SLC39A3: variants seen among roughly 807,000 people sequenced by gnomAD.
SLC39A3 encodes solute carrier family 39 member 3, also known as zinc transporter ZIP3.
Under a neutral mutation model 5.1 loss-of-function variants are expected in SLC39A3, and 3 were observed. The observed-to-expected ratio is 0.59, with a 90% CI of 0.27 to 1.54. The LOEUF is 1.54. Among genes scored for constraint, SLC39A3 ranks in the 40% most tolerant of loss-of-function variants. The pLI is 0.12. For missense variants in SLC39A3, 412 were observed against 436.4 expected (o/e 0.94, Z 0.50); for synonymous variants, 250 against 218.8 (o/e 1.14, Z -1.26).
chr19:2,737,100 C>T lies in SLC39A3; in HGVS notation c.158G>A (p.Gly53Glu). The T allele has an allele frequency of 6.2e-7, 1 of 1,614,168 alleles. No individual in the cohort carries two copies. The highest frequency in any genetic ancestry group is 1.3e-5 in the African/African-American group (1 of 75,036). Reference protein sequence around the residue: ...ILSLCNTFGGGVFLATCFNAL... With the variant: ...ILSLCNTFGGEVFLATCFNAL... ...GTTGAAGCACGTGGCCAGAAACACC[C>T]CTCCTCCAAAGGTGTTGCAGAGAGA... is the stretch of plus-strand genomic sequence containing the variant. Residue 53 changes from glycine (G) to glutamate (E), a missense_variant, in exon 2 of 3, where the codon GGG (glycine) becomes GAG (glutamate). Coordinates refer to ENST00000269740, the MANE Select transcript of SLC39A3 (RefSeq NM_144564.5).
In SLC39A3 at chr19:2,734,573, C is replaced by A; in HGVS notation, c.211-1088G>T. On this transcript the variant is annotated intron_variant, in intron 2 of 2. Transcript: ENST00000269740. The surrounding 1 kb of genome is among the most constrained non-coding windows in gnomAD (Gnocchi z 4.6). ...TCACAACTCGGGTAGGGGGAAGGTG[C>A]TGACATTCGGGGCTGGATTGTTCTC... The A allele has an allele frequency of 4.8e-6, 1 of 207,150 alleles. No homozygotes were observed. Among genetic ancestry groups the A allele is most frequent in the Non-Finnish European group, 8.5e-6 (1 of 118,250 alleles). The allele number at this position is 207,150 out of a possible 1,614,324, so 12.8% of individuals were successfully genotyped here. A position where few individuals can be genotyped will look rare whatever the true frequency, so the allele number is the denominator to read the frequency against.
intron 2 of SLC39A3, chr19:2,736,281 C>A: frequency 1.3e-6 from 1 of 787,870 alleles, no homozygotes; most frequent in Non-Finnish European, 1.5e-6. Context: ...CTTGAACTTG[C>A]TTCTAACCAG....
At position 2,733,772 on chromosome 19, in the gene SLC39A3, T is replaced by C. The variant is rs1568299588; in HGVS notation, c.211-287A>G. 6.6e-6 allele frequency among the ~76,000 whole-genome samples: 1 copy of C among 152,028 alleles called. No individual in the cohort carries two copies. Among genetic ancestry groups the C allele is most frequent in the Non-Finnish European group, 1.5e-5 (1 of 68,000 alleles). On this transcript the variant is annotated intron_variant, in intron 2 of 2. Coordinates refer to ENST00000269740, the MANE Select transcript of SLC39A3 (RefSeq NM_144564.5). The surrounding 1 kb of genome is among the most constrained non-coding windows in gnomAD (Gnocchi z 6.1). ...GCCTGGCCAATATGGGGAAACATGT[T>C]TCTACTAAAAATACAAAAATTAGCT...
chr19:2,736,719 T>G (rs1914380456), intron 2 of SLC39A3: 1 of 1,413,780 alleles, frequency 7.1e-7, no homozygotes, highest in Admixed American at 3.0e-5. Flanking sequence ...AGTAGCTGAC[T>G]GATATAGGAA....
At position 2,734,604 on chromosome 19, in the gene SLC39A3, C is replaced by T. The variant is rs1478075582; in HGVS notation, c.211-1119G>A. On this transcript the variant is annotated intron_variant, in intron 2 of 2. Coordinates refer to ENST00000269740, the MANE Select transcript of SLC39A3 (RefSeq NM_144564.5). This position sits in a 1 kb window ranked among gnomAD's most constrained non-coding sequence, Gnocchi z 4.6. Reference sequence around the variant, plus strand: ...TTCGGGGCTGGATTGTTCTCTGGGACGGGGCCGTCCTGGGCACTGCAGGGT... The same window carrying T: ...TTCGGGGCTGGATTGTTCTCTGGGATGGGGCCGTCCTGGGCACTGCAGGGT... 14 of 337,788 alleles carry T rather than the reference C, an allele frequency of 4.1e-5. No individual in the cohort carries two copies. The highest frequency in any genetic ancestry group is 5.9e-5 in the Non-Finnish European group (14 of 237,856). 20.9% of individuals were successfully genotyped at this position (337,788 alleles called of 1,614,324 possible).
intron 1 of SLC39A3, among the ~76,000 whole-genome samples, chr19:2,738,262 A>G (rs76841411): frequency 0.044 from 6,708 of 151,652 alleles, 174 homozygotes; most frequent in Non-Finnish European, 0.053. Context: ...CTCCCTGGCC[A>G]TATTTCAAGC....
Position 2,732,586 on chromosome 19 carries a change from G to A in SLC39A3, c.*165C>T. ...AAGTAGCAGTGCTCTGAGGCTCAGG[G>A]TGTAGGATCGGGGGCACAGCCTGGT... On this transcript the variant is annotated 3_prime_UTR_variant, in exon 3 of 3. Transcript: ENST00000269740. 2.1e-6 allele frequency: 3 copies of A among 1,426,578 alleles called. No individual in the cohort carries two copies. The highest frequency in any genetic ancestry group is 2.9e-5 in the African/African-American group (2 of 69,524). 88.4% of individuals were successfully genotyped at this position (1,426,578 alleles called of 1,614,324 possible). A position where few individuals can be genotyped will look rare whatever the true frequency, so the allele number is the denominator to read the frequency against.
At chr19:2,736,571 ACCACAG>A (rs1914376282) in intron 2 of SLC39A3, 1 of 340,918 alleles carries the variant, frequency 2.9e-6, no homozygotes, top group South Asian at 6.0e-5. Flanking sequence ...TTGAGATGAG[ACCACAG>A]CCCAGGAGAC....
At chr19:2,739,755 C>T (rs1421335224) in intron 1 of SLC39A3, among the ~76,000 whole-genome samples, 190 bp downstream of exon 1, 2 of 152,210 alleles carry the variant, frequency 1.3e-5, no homozygotes, top group Non-Finnish European at 2.9e-5. Flanking sequence ...CCGGAGGCTG[C>T]TCGGGCCGGG....
chr19:2,735,894 G>C lies in SLC39A3; in HGVS notation c.210+1154C>G. The C allele has an allele frequency of 1.0e-6, 1 of 985,468 alleles. No homozygotes were observed. Among genetic ancestry groups the C allele is most frequent in the Non-Finnish European group, 1.2e-6 (1 of 829,986 alleles). The allele number at this position is 985,468 out of a possible 1,614,324, so 61.0% of individuals were successfully genotyped here. On this transcript the variant is annotated intron_variant, in intron 2 of 2. Coordinates refer to ENST00000269740, the MANE Select transcript of SLC39A3 (RefSeq NM_144564.5). This position sits in a 1 kb window ranked among gnomAD's most constrained non-coding sequence, Gnocchi z 5.7. ...CCTTCTCCTCCTTTCTGGACACTAG[G>C]CACGAGGAAAAGCAGGGCCAGGGGT... is the stretch of plus-strand genomic sequence containing the variant.
rs1325127853 is a variant in SLC39A3 at position 2,733,237 on chromosome 19, G to A, written c.459C>T (p.His153=). ...GGCCCTGCACGCTCAGGCTGGGGCC[G>A]TGGCCGTGGGGCTCCACGTACAGCG... is the stretch of plus-strand genomic sequence containing the variant. The part of the protein sequence containing the change: ...GHALYVEPHG[H]GPSLSVQGLS... The change falls in exon 3 of 3, where the codon CAC becomes CAT. Residue 153 remains histidine, a synonymous_variant. Coordinates refer to ENST00000269740, the MANE Select transcript of SLC39A3 (RefSeq NM_144564.5). The surrounding 1 kb of genome is among the most constrained non-coding windows in gnomAD (Gnocchi z 6.1). 1.1e-5 allele frequency: 18 copies of A among 1,608,442 alleles called. No individual in the cohort carries two copies. Among genetic ancestry groups the A allele is most frequent in the South Asian group, 4.4e-5 (4 of 90,824 alleles).
At chr19:2,738,912 G>C (rs1914460457) in intron 1 of SLC39A3, among the ~76,000 whole-genome samples, 2 of 151,368 alleles carry the variant, frequency 1.3e-5, no homozygotes, top group African/African-American at 4.9e-5. Context: ...ACTCCAGCCT[G>C]GGTGACAGAG....
chr19:2,738,893 A>G (rs12104172), intron 1 of SLC39A3, among the ~76,000 whole-genome samples: 27 of 150,306 alleles, frequency 1.8e-4, no homozygotes, highest in Middle Eastern at 3.4e-3. Context: ...GCCAAGATCA[A>G]GCCATTGCAC....
chr19:2,737,155 C>CA lies in SLC39A3; in HGVS notation c.102dup (p.Glu35Ter). 1 of 1,614,126 alleles carries CA rather than the reference C, an allele frequency of 6.2e-7. No homozygotes were observed. Among genetic ancestry groups the CA allele is most frequent in the Non-Finnish European group, 8.5e-7 (1 of 1,180,036 alleles). The stretch of plus-strand genomic sequence containing the variant: ...ATCTTTTTCGAGCGATGGGCCTTCT[C>CA]AAAATCTGTCTCGATGATCTTCACG... On this transcript the variant is annotated frameshift_variant, in exon 2 of 3. Coordinates refer to ENST00000269740, the MANE Select transcript of SLC39A3 (RefSeq NM_144564.5). LOFTEE classifies it high-confidence loss of function.
In SLC39A3 at chr19:2,734,826, A is replaced by G. The variant is rs1914308977; in HGVS notation, c.211-1341T>C. On this transcript the variant is annotated intron_variant, in intron 2 of 2. Coordinates refer to ENST00000269740, the MANE Select transcript of SLC39A3 (RefSeq NM_144564.5). This position sits in a 1 kb window ranked among gnomAD's most constrained non-coding sequence, Gnocchi z 4.6. ...TCACTGACCACCGGCTGGAGGCCTC[A>G]TGCATGCCTCGCTTGAGGACAAGCT... The G allele has an allele frequency of 1.0e-6, 1 of 985,368 alleles. No individual in the cohort carries two copies. Among genetic ancestry groups the G allele is most frequent in the Non-Finnish European group, 1.2e-6 (1 of 829,972 alleles). The allele number at this position is 985,368 out of a possible 1,614,324, so 61.0% of individuals were successfully genotyped here.
intron 1 of SLC39A3, among the ~76,000 whole-genome samples, chr19:2,738,708 G>C (rs1056718477): frequency 1.3e-5 from 2 of 151,902 alleles, no homozygotes; most frequent in Non-Finnish European, 2.9e-5. Flanking sequence ...TCGAGAGTTC[G>C]AGACCAGCAC....
rs1178602310 is a variant in SLC39A3 at position 2,733,107 on chromosome 19, C to T, written c.589G>A (p.Val197Met). 1 of 1,610,946 alleles carries T rather than the reference C, an allele frequency of 6.2e-7. No individual in the cohort carries two copies. The highest frequency in any genetic ancestry group is 1.7e-5 in the Admixed American group (1 of 59,880). Residue 197 changes from valine (V) to methionine (M), a missense_variant, in exon 3 of 3, where the codon GTG (valine) becomes ATG (methionine). Transcript: ENST00000269740. The surrounding 1 kb of genome is among the most constrained non-coding windows in gnomAD (Gnocchi z 6.1). ...GCCACCCCCACGAACAGGCTCACCA[C>T]TTTCTCCCCCTCCTCCTGCAGGCCC... ...ALGLQEEGEK[V>M]VSLFVGVAVH... is the part of the protein sequence containing the mutation.
chr19:2,734,676 ACCC>A lies in SLC39A3; in HGVS notation c.211-1194_211-1192del, dbSNP rs142924600. 1.1e-6 allele frequency: 1 copy of A among 948,180 alleles called. No individual in the cohort carries two copies. The highest frequency in any genetic ancestry group is 1.8e-5 in the African/African-American group (1 of 56,328). The allele number at this position is 948,180 out of a possible 1,614,324, so 58.7% of individuals were successfully genotyped here. A position where few individuals can be genotyped will look rare whatever the true frequency, so the allele number is the denominator to read the frequency against. ...CCTCCACCCACTCCAGGCCAGGAGC[ACCC>A]CCCATCGTGACAACCACAATGTCCC... On this transcript the variant is annotated intron_variant, in intron 2 of 2. Transcript: ENST00000269740. This position sits in a 1 kb window ranked among gnomAD's most constrained non-coding sequence, Gnocchi z 4.6.
chr19:2,733,122 C>T lies in SLC39A3; in HGVS notation c.574G>A (p.Glu192Lys). 6.2e-7 allele frequency: 1 copy of T among 1,610,798 alleles called. No homozygotes were observed. The change falls in exon 3 of 3, where the codon GAG becomes AAG. Residue 192 changes from glutamate (E) to lysine (K), a missense_variant. Coordinates refer to ENST00000269740, the MANE Select transcript of SLC39A3 (RefSeq NM_144564.5). The surrounding 1 kb of genome is among the most constrained non-coding windows in gnomAD (Gnocchi z 6.1). Reference protein sequence around the residue: ...VFEGLALGLQEEGEKVVSLFV... With the variant: ...VFEGLALGLQKEGEKVVSLFV... ...AGGCTCACCACTTTCTCCCCCTCCT[C>T]CTGCAGGCCCAGGGCCAGGCCCTCA...
Sources: gnomAD v4.1 joint callset for allele counts (sites outside exome capture counted in the v4.1 genomes callset) on GRCh38, gnomAD v4.1.1 for gene constraint, Gnocchi (gnomAD v3.1) non-coding constraint, MANE v1.5 for transcripts, NCBI Gene and HGNC (gene_info 2026-07-23, HGNC 2026-07-21) for gene names.